Variants in SLC35F3 observed in about 807,000 individuals in gnomAD.
SLC35F3 encodes the protein solute carrier family 35 member F3.
A neutral mutation model predicts 49.9 loss-of-function variants in SLC35F3; 25 were observed. The ratio of observed to expected loss-of-function variants is 0.50; its 90% CI spans 0.37 to 0.70. The LOEUF is 0.70. Ranked by LOEUF, SLC35F3 falls within the 30% of genes least tolerant of loss-of-function variation. The pLI is 0.00. For synonymous variants in SLC35F3, 275 were observed against 265.4 expected (o/e 1.04, Z -0.35); for missense variants, 525 against 639.8 (o/e 0.82, Z 1.94).
Position 234,320,513 on chromosome 1 carries a change from G to A in SLC35F3, c.1237+326G>A, listed in dbSNP as rs1205088141. On this transcript the variant is annotated intron_variant, in intron 7 of 7. Transcript: ENST00000366618. This position sits in a 1 kb window ranked among gnomAD's most constrained non-coding sequence, Gnocchi z 4.8. ...GACACAGAAAGTCTAAAGGCATCTT[G>A]ATTCTAACTGGTATGGGGAGCAGAA... Among the ~76,000 whole-genome samples, 3 of 152,144 alleles carry A rather than the reference G, an allele frequency of 2.0e-5. No individual in the cohort carries two copies. The highest frequency in any genetic ancestry group is 4.4e-5 in the Non-Finnish European group (3 of 68,034).
At chr1:233,948,901 A>G (rs1220585052) in intron 2 of SLC35F3, among the ~76,000 whole-genome samples, 1 of 152,144 alleles carries the variant, frequency 6.6e-6, no homozygotes, top group Non-Finnish European at 1.5e-5. Context: ...AGCCTGGCAC[A>G]AGCATTTTCT....
intron 2 of SLC35F3, among the ~76,000 whole-genome samples, chr1:234,162,296 C>T (rs1666239523): frequency 7.0e-6 from 1 of 143,048 alleles, no homozygotes; most frequent in Non-Finnish European, 1.5e-5. Flanking sequence ...AGTGGCTTCT[C>T]TTCCCTGCCC....
intron 2 of SLC35F3, among the ~76,000 whole-genome samples, chr1:233,951,959 A>G (rs1282079132): frequency 2.6e-5 from 4 of 151,636 alleles, no homozygotes; most frequent in Non-Finnish European, 5.9e-5. Flanking sequence ...TCAATTATAT[A>G]TATGTTGGTT....
Position 234,323,215 on chromosome 1 carries a change from GA to G in SLC35F3, c.1447del (p.Arg483GlufsTer67). ...AGCTCAGGACCTCAGAGCAAGAACAGAAGAGCCCGCCCTTCCTTCGCCCGCT... is the reference window on the plus strand; with the variant it reads ...AGCTCAGGACCTCAGAGCAAGAACAGAGAGCCCGCCCTTCCTTCGCCCGCT... ...DLSSGPQSKN[R>X]RARPSFAR On this transcript the variant is annotated frameshift_variant, in exon 8 of 8. Coordinates refer to ENST00000366618, the MANE Select transcript of SLC35F3 (RefSeq NM_173508.4). LOFTEE classifies it high-confidence loss of function. The surrounding 1 kb of genome is among the most constrained non-coding windows in gnomAD (Gnocchi z 4.5). 6.2e-7 allele frequency: 1 copy of G among 1,614,090 alleles called. No individual in the cohort carries two copies. Among genetic ancestry groups the G allele is most frequent in the Non-Finnish European group, 8.5e-7 (1 of 1,180,016 alleles).
At position 234,242,309 on chromosome 1, in the gene SLC35F3, C is replaced by G. The variant is rs142311680; in HGVS notation, c.608+10568C>G. 3.8e-4 allele frequency among the ~76,000 whole-genome samples: 58 copies of G among 152,318 alleles called. 2 individuals are homozygous for G. In the East Asian group the frequency reaches 9.1e-3, roughly 24 times the overall value. On this transcript the variant is annotated intron_variant, in intron 3 of 7. Coordinates refer to ENST00000366618, the MANE Select transcript of SLC35F3 (RefSeq NM_173508.4). ...CCTTCCACCCGCTTCCCAGCCTGCTCTAGATCTGGTCCTGAAAGAGAAGGG... is the reference window on the plus strand; with the variant it reads ...CCTTCCACCCGCTTCCCAGCCTGCTGTAGATCTGGTCCTGAAAGAGAAGGG...
chr1:234,184,810 G>GAT (rs1258525257), intron 2 of SLC35F3, among the ~76,000 whole-genome samples: 4 of 152,184 alleles, frequency 2.6e-5, no homozygotes, highest in Admixed American at 6.5e-5. Flanking sequence ...CATTGTCCTA[G>GAT]ATATGATAGT....
intron 2 of SLC35F3, among the ~76,000 whole-genome samples, chr1:233,915,537 A>G (rs561429250): frequency 6.6e-6 from 1 of 151,892 alleles, no homozygotes; most frequent in Admixed American, 6.6e-5. Flanking sequence ...GTGATAGAGC[A>G]AATTCTTGTT....
intron 2 of SLC35F3, among the ~76,000 whole-genome samples, chr1:234,198,908 T>C (rs1487836283): frequency 6.6e-6 from 1 of 152,110 alleles, no homozygotes; most frequent in African/African-American, 2.4e-5. Flanking sequence ...AAATATATTA[T>C]AAAGCTATTG....
Position 234,061,014 on chromosome 1 carries a change from A to G in SLC35F3, c.283+155256A>G, listed in dbSNP as rs1402287778. ...AATAAGGGAAAAGAAATATGCATCT[A>G]TACTGTCCTTTATAATTACATAATT... On this transcript the variant is annotated intron_variant, in intron 2 of 7. Coordinates refer to ENST00000366618, the MANE Select transcript of SLC35F3 (RefSeq NM_173508.4). Among the ~76,000 whole-genome samples, 5 of 152,290 alleles carry G rather than the reference A, an allele frequency of 3.3e-5. No individual in the cohort carries two copies. In the East Asian group the frequency reaches 9.6e-4, roughly 29 times the overall value.
intron 3 of SLC35F3, among the ~76,000 whole-genome samples, chr1:234,233,113 A>C (rs923704141): frequency 6.6e-6 from 1 of 152,212 alleles, no homozygotes; most frequent in Non-Finnish European, 1.5e-5. Context: ...GAGGCACTTA[A>C]TGCACCCTCT....
intron 2 of SLC35F3, among the ~76,000 whole-genome samples, chr1:233,923,944 G>A (rs1331730134): frequency 4.6e-5 from 7 of 152,126 alleles, no homozygotes; most frequent in South Asian, 2.1e-4. Context: ...GATGGATTAC[G>A]TTTGTTGATT....
At chr1:233,937,864 G>A (rs1281977833) in intron 2 of SLC35F3, among the ~76,000 whole-genome samples, 1 of 152,190 alleles carries the variant, frequency 6.6e-6, no homozygotes, top group Non-Finnish European at 1.5e-5. Flanking sequence ...TAGTGTTGGT[G>A]AGTGCGGGAG....
intron 2 of SLC35F3, among the ~76,000 whole-genome samples, chr1:234,087,913 G>A (rs1416993618): frequency 6.6e-6 from 1 of 152,094 alleles, no homozygotes; most frequent in Non-Finnish European, 1.5e-5. Flanking sequence ...TAGTGACATG[G>A]CCCTTCTTTA....
intron 3 of SLC35F3, among the ~76,000 whole-genome samples, chr1:234,234,013 T>C (rs1418990338): frequency 2.0e-5 from 3 of 152,180 alleles, no homozygotes. Context: ...GAGAAAAATT[T>C]TAACATCACA....
At chr1:233,950,385 CAAAA>C (rs58271294) in intron 2 of SLC35F3, among the ~76,000 whole-genome samples, 2 of 31,382 alleles carry the variant, frequency 6.4e-5, no homozygotes, top group African/African-American at 1.1e-4. Flanking sequence ...GACTCTGTCT[CAAAA>C]AAAAAAAAAA....
rs138035892 is a variant in SLC35F3, at chr1:233,906,046, G to T, written c.283+288G>T. On this transcript the variant is annotated intron_variant, in intron 2 of 7. Transcript: ENST00000366618. ...ATACGGAGGACACTCCTATGTGGCA[G>T]ACCGTGGGAAACAGATCAGAAACTC... Among the ~76,000 whole-genome samples, 980 of 152,350 alleles carry T rather than the reference G, an allele frequency of 6.4e-3. 7 individuals carry two copies. Among genetic ancestry groups the T allele is most frequent in the Admixed American group, 0.015 (231 of 15,310 alleles).
chr1:233,952,459 G>T lies in SLC35F3; in HGVS notation c.283+46701G>T, dbSNP rs750921692. Among the ~76,000 whole-genome samples the T allele has an allele frequency of 5.3e-5, 8 of 152,138 alleles. 1 individual carries two copies. The highest frequency in any genetic ancestry group is 1.0e-4 in the Non-Finnish European group (7 of 68,028). On this transcript the variant is annotated intron_variant, in intron 2 of 7. Coordinates refer to ENST00000366618, the MANE Select transcript of SLC35F3 (RefSeq NM_173508.4). ...AGGGATTTATGTTTAATTGTACCTA[G>T]ATTTTATTTCTCCCCATCCATTGAA... is the stretch of plus-strand genomic sequence containing the variant.
At chr1:233,988,524 G>A (rs1240514237) in intron 2 of SLC35F3, among the ~76,000 whole-genome samples, 1 of 152,112 alleles carries the variant, frequency 6.6e-6, no homozygotes. Context: ...TGCTATTCGT[G>A]TCTGAGCTCT....
intron 2 of SLC35F3, among the ~76,000 whole-genome samples, chr1:234,044,931 C>A (rs1384983177): frequency 2.0e-5 from 3 of 152,180 alleles, no homozygotes; most frequent in Non-Finnish European, 4.4e-5. Flanking sequence ...CGGTTGAGTT[C>A]AAATCCTGAT....
Sources: allele counts gnomAD v4.1 joint callset (sites outside exome capture counted in the v4.1 genomes callset), GRCh38; gene constraint gnomAD v4.1.1; non-coding constraint Gnocchi (gnomAD v3.1); transcripts MANE v1.5; gene names NCBI Gene and HGNC (gene_info 2026-07-23, HGNC 2026-07-21).